KATNBL1: variants seen among roughly 807,000 people sequenced by gnomAD.
KATNBL1 encodes katanin regulatory subunit B1 like 1.
A neutral mutation model predicts 44.7 loss-of-function variants in KATNBL1; 28 were observed. The ratio of observed to expected loss-of-function variants is 0.63; its 90% CI spans 0.46 to 0.86. The LOEUF (loss-of-function observed/expected upper bound fraction) is 0.86, where lower values mean the gene tolerates loss of function less well. KATNBL1 is among the 40% of genes least tolerant of loss of function. The pLI is 0.00. For synonymous variants in KATNBL1, 78 were observed against 114.9 expected, an observed-to-expected ratio of 0.68 and a Z score of 2.06; for missense variants, 272 against 350.7, an observed-to-expected ratio of 0.78 and a Z score of 1.79.
chr15:34,191,615 G>T (rs1217502511), intron 1 of KATNBL1, among the ~76,000 whole-genome samples: 1 of 152,028 alleles, frequency 6.6e-6, no homozygotes, highest in Admixed American at 6.6e-5. Context: ...TGGTAGTGTG[G>T]TTATGTGTTT....
At chr15:34,203,765 G>T (rs1890225972) in intron 1 of KATNBL1, among the ~76,000 whole-genome samples, 1 of 151,936 alleles carries the variant, frequency 6.6e-6, no homozygotes, top group Admixed American at 6.6e-5. Context: ...TCAGCTCACT[G>T]CAACTAACTC....
At position 34,145,286 on chromosome 15, in the gene KATNBL1, A is replaced by G. The variant is rs779426701; in HGVS notation, c.882+112T>C. The G allele has an allele frequency of 9.2e-6, 13 of 1,417,392 alleles. 1 individual carries two copies. Among genetic ancestry groups the G allele is most frequent in the South Asian group, 3.8e-5 (3 of 78,686 alleles). The allele number at this position is 1,417,392 out of a possible 1,614,324, so 87.8% of individuals were successfully genotyped here. A position where few individuals can be genotyped will look rare whatever the true frequency, so the allele number is the denominator to read the frequency against. On this transcript the variant is annotated intron_variant, in intron 9 of 9. Transcript: ENST00000256544. The stretch of plus-strand genomic sequence containing the variant: ...TTTGAAAATATGAAATTGACTTTAG[A>G]CATTAGAACAGTACCATATTATTTT...
chr15:34,173,041 A>C (rs1889219400), intron 1 of KATNBL1, among the ~76,000 whole-genome samples: 1 of 152,138 alleles, frequency 6.6e-6, no homozygotes, highest in East Asian at 1.9e-4. Context: ...AAAATAGGAC[A>C]TAATAAAGAT....
Position 34,199,070 on chromosome 15 carries a change from C to T in KATNBL1, c.-15+10881G>A, listed in dbSNP as rs188437660. Reference sequence around the variant, plus strand: ...AAATACAGGCAGTGCTACTCATGTACTGTCCAGCAAAAGGGTACCCCATCA... The same window carrying T: ...AAATACAGGCAGTGCTACTCATGTATTGTCCAGCAAAAGGGTACCCCATCA... On this transcript the variant is annotated intron_variant, in intron 1 of 9. Coordinates refer to ENST00000256544, the MANE Select transcript of KATNBL1 (RefSeq NM_024713.3). Among the ~76,000 whole-genome samples, 594 of 152,288 alleles carry T rather than the reference C, an allele frequency of 3.9e-3. 6 individuals are homozygous for T. The highest frequency in any genetic ancestry group is 0.014 in the African/African-American group (575 of 41,560).
rs191848446 is a variant in KATNBL1 at position 34,195,235 on chromosome 15, T to C, written c.-15+14716A>G. 5.3e-3 allele frequency among the ~76,000 whole-genome samples: 810 copies of C among 152,290 alleles called. 9 individuals are homozygous for C. The highest frequency in any genetic ancestry group is 0.018 in the African/African-American group (765 of 41,548). Reference sequence around the variant, plus strand: ...AGAGGACTGGATAAAGAAAATGTGGTACATATACAATATGGGATACTATTC... The same window carrying C: ...AGAGGACTGGATAAAGAAAATGTGGCACATATACAATATGGGATACTATTC... On this transcript the variant is annotated intron_variant, in intron 1 of 9. Transcript: ENST00000256544.
intron 1 of KATNBL1, among the ~76,000 whole-genome samples, chr15:34,207,704 G>A (rs182310502): frequency 5.3e-5 from 8 of 152,052 alleles, no homozygotes; most frequent in East Asian, 1.9e-4. Context: ...GGGCTTAAGC[G>A]ATCTTCCCAC....
In KATNBL1 at chr15:34,152,738, G is replaced by T. The variant is rs561394729; in HGVS notation, c.438+52C>A. ...GGAATATGGCAAAGAAAAAAATCAA[G>T]ATTATAACAGGAACAAAGTTAAACT... On this transcript the variant is annotated intron_variant, in intron 4 of 9. Transcript: ENST00000256544. 87 of 1,439,980 alleles carry T rather than the reference G, an allele frequency of 6.0e-5. No individual in the cohort carries two copies. In the Admixed American group the frequency reaches 1.8e-3, roughly 30 times the overall value. 89.2% of individuals were successfully genotyped at this position (1,439,980 alleles called of 1,614,324 possible). A position where few individuals can be genotyped will look rare whatever the true frequency, so the allele number is the denominator to read the frequency against.
At chr15:34,207,397 A>G (rs1307891012) in intron 1 of KATNBL1, among the ~76,000 whole-genome samples, 1 of 151,792 alleles carries the variant, frequency 6.6e-6, no homozygotes, top group Non-Finnish European at 1.5e-5. Context: ...TTAAGTAGAG[A>G]CAGGGTTTCA....
intron 2 of KATNBL1, among the ~76,000 whole-genome samples, chr15:34,159,438 T>G (rs1888732860): frequency 6.6e-6 from 1 of 152,238 alleles, no homozygotes; most frequent in Non-Finnish European, 1.5e-5. Context: ...CTAACTGGTA[T>G]GACCTGTCTG....
chr15:34,185,638 GCA>G (rs1292907870), intron 1 of KATNBL1, among the ~76,000 whole-genome samples: 1 of 152,150 alleles, frequency 6.6e-6, no homozygotes, highest in Non-Finnish European at 1.5e-5. Flanking sequence ...CTGATGCTTG[GCA>G]CACAGAAAGC....
At chr15:34,183,925 C>T (rs1889638244) in intron 1 of KATNBL1, among the ~76,000 whole-genome samples, 1 of 152,098 alleles carries the variant, frequency 6.6e-6, no homozygotes, top group Non-Finnish European at 1.5e-5. Flanking sequence ...TTTCAGCACT[C>T]TGGGAGGCCG....
intron 1 of KATNBL1, among the ~76,000 whole-genome samples, chr15:34,185,735 C>A (rs572219108): frequency 6.6e-6 from 1 of 152,292 alleles, no homozygotes; most frequent in Admixed American, 6.5e-5. Context: ...ATCCATCTCC[C>A]TGACCAACTA....
At chr15:34,203,898 G>T (rs189481855) in intron 1 of KATNBL1, among the ~76,000 whole-genome samples, 139 of 151,952 alleles carry the variant, frequency 9.1e-4, no homozygotes, top group Admixed American at 1.5e-3. Context: ...GGGGCTAGGG[G>T]AGGGATAGCA....
chr15:34,168,961 C>T (rs1889069646), intron 1 of KATNBL1, among the ~76,000 whole-genome samples: 1 of 152,182 alleles, frequency 6.6e-6, no homozygotes, highest in Non-Finnish European at 1.5e-5. Context: ...AAATTTATGG[C>T]ATTAAATGCC....
chr15:34,151,435 A>ATTTTTTTTTT (rs1491367010), intron 4 of KATNBL1, among the ~76,000 whole-genome samples: 5 of 63,826 alleles, frequency 7.8e-5, no homozygotes, highest in Admixed American at 2.0e-4. Flanking sequence ...TCCTTTGCCT[A>ATTTTTTTTTT]CTTTTTTTTT....
At chr15:34,206,520 G>A (rs553537717) in intron 1 of KATNBL1, among the ~76,000 whole-genome samples, 3 of 152,242 alleles carry the variant, frequency 2.0e-5, no homozygotes, top group African/African-American at 7.2e-5. Flanking sequence ...CGCCGGGCAT[G>A]GTGGCTCACG....
rs376630762 is a variant in KATNBL1, at chr15:34,200,856, C to A, written c.-15+9095G>T. 1.3e-4 allele frequency among the ~76,000 whole-genome samples: 20 copies of A among 151,590 alleles called. No individual in the cohort carries two copies. The East Asian group carries it at 2.0e-3, about 15-fold the overall frequency. On this transcript the variant is annotated intron_variant, in intron 1 of 9. Coordinates refer to ENST00000256544, the MANE Select transcript of KATNBL1 (RefSeq NM_024713.3). ...TTTTTGAGACAGCGTCTTGCTCTGT[C>A]GCCAGGCTGGAGTGCAGTGGCGCCA...
chr15:34,145,947 C>CT (rs35429469), intron 8 of KATNBL1: 59,840 of 123,056 alleles, frequency 0.49, 15,318 homozygotes, highest in East Asian at 0.67. Flanking sequence ...TAAATTGTGG[C>CT]TTTTTTTTTT....
At chr15:34,200,683 T>C (rs1890157235) in intron 1 of KATNBL1, among the ~76,000 whole-genome samples, 1 of 152,250 alleles carries the variant, frequency 6.6e-6, no homozygotes, top group Non-Finnish European at 1.5e-5. Flanking sequence ...GGTACAATAC[T>C]ATATCATTTC....
Sources: allele counts gnomAD v4.1 joint callset (sites outside exome capture counted in the v4.1 genomes callset), GRCh38; gene constraint gnomAD v4.1.1; transcripts MANE v1.5; gene names NCBI Gene and HGNC (gene_info 2026-07-23, HGNC 2026-07-21).